GPNMB: variants seen among roughly 807,000 people sequenced by gnomAD.
The protein encoded by GPNMB is glycoprotein nmb.
Under a neutral mutation model 57.3 loss-of-function variants are expected in GPNMB, and 71 were observed. The ratio of observed to expected loss-of-function variants is 1.24; its 90% CI spans 1.02 to 1.51. The LOEUF is 1.51. Among genes scored for constraint, GPNMB ranks in the 40% most tolerant of loss-of-function variants. The pLI is 0.00. For missense variants in GPNMB, 677 were observed against 691.9 expected, an observed-to-expected ratio of 0.98 and a Z score of 0.24; for synonymous variants, 253 against 263.2, an observed-to-expected ratio of 0.96 and a Z score of 0.38.
chr7:23,265,217 G>A (rs941902449), intron 6 of GPNMB, among the ~76,000 whole-genome samples: 1 of 152,174 alleles, frequency 6.6e-6, no homozygotes, highest in Admixed American at 6.5e-5. Flanking sequence ...GAAAATCACA[G>A]GGATGTTCAC....
intron 8 of GPNMB, among the ~76,000 whole-genome samples, 184 bp downstream of exon 8, chr7:23,268,172 T>G (rs1245856950): frequency 1.3e-5 from 2 of 152,208 alleles, no homozygotes; most frequent in African/African-American, 2.4e-5. Context: ...CACACATGTT[T>G]TGCTACAGTT....
Position 23,274,441 on chromosome 7 carries a change from A to G in GPNMB, c.*217A>G, listed in dbSNP as rs1783287965. The G allele has an allele frequency of 2.2e-6, 1 of 445,960 alleles. No homozygotes were observed. Among genetic ancestry groups the G allele is most frequent in the African/African-American group, 2.0e-5 (1 of 49,086 alleles). 27.6% of individuals were successfully genotyped at this position (445,960 alleles called of 1,614,324 possible). A position where few individuals can be genotyped will look rare whatever the true frequency, so the allele number is the denominator to read the frequency against. On this transcript the variant is annotated 3_prime_UTR_variant, in exon 11 of 11. Transcript: ENST00000258733. ...GTTGTGAAACTGATAAAAGCAACTT[A>G]GCAAGGCTTCTTTTCATTATTTTTT...
chr7:23,263,053 A>G (rs1782968456), intron 6 of GPNMB, among the ~76,000 whole-genome samples: 1 of 152,184 alleles, frequency 6.6e-6, no homozygotes, highest in African/African-American at 2.4e-5. Context: ...ATCTACAACT[A>G]TTAATGATCT....
chr7:23,272,846 C>CTTTTTTT (rs34346503), intron 9 of GPNMB, among the ~76,000 whole-genome samples: 2 of 139,636 alleles, frequency 1.4e-5, no homozygotes, highest in African/African-American at 5.5e-5. Flanking sequence ...AGGTGGTGAT[C>CTTTTTTT]TTTTTTTTTT....
chr7:23,270,453 T>G (rs896334389), intron 9 of GPNMB, among the ~76,000 whole-genome samples: 2 of 152,170 alleles, frequency 1.3e-5, no homozygotes, highest in Admixed American at 6.5e-5. Context: ...TGGGATATGA[T>G]CACTGCACGC....
At chr7:23,253,563 T>G (rs1016924423) in intron 2 of GPNMB, 104 bp downstream of exon 2, 1 of 968,094 alleles carries the variant, frequency 1.0e-6, no homozygotes, top group Non-Finnish European at 1.5e-6. Flanking sequence ...TTTCCACGAA[T>G]GACAGTGCTC....
Position 23,260,039 on chromosome 7 carries a change from G to A in GPNMB, c.601G>A (p.Val201Met). 1 of 1,614,004 alleles carries A rather than the reference G, an allele frequency of 6.2e-7. No individual in the cohort carries two copies. The highest frequency in any genetic ancestry group is 1.1e-5 in the South Asian group (1 of 91,086). ...SVRVSVNTAN[V>M]TLGPQLMEVT... ...GAGAGTTTCTGTGAACACAGCCAATGTGACACTTGGGCCTCAACTCATGGA... is the reference window on the plus strand; with the variant it reads ...GAGAGTTTCTGTGAACACAGCCAATATGACACTTGGGCCTCAACTCATGGA... Residue 201 changes from valine to methionine, a missense_variant, in exon 5 of 11, where the codon GTG becomes ATG. Coordinates refer to ENST00000258733, the MANE Select transcript of GPNMB (RefSeq NM_002510.3).
intron 1 of GPNMB, 170 bp downstream of exon 1, chr7:23,247,097 A>C: frequency 1.6e-6 from 1 of 631,552 alleles, no homozygotes. Context: ...AAACTACAGC[A>C]AAATGCCTCC....
intron 9 of GPNMB, among the ~76,000 whole-genome samples, chr7:23,271,759 G>A (rs557638296): frequency 3.8e-4 from 58 of 151,888 alleles, no homozygotes; most frequent in African/African-American, 1.4e-3. Context: ...TGAAGACACT[G>A]CACTCCAGCC....
chr7:23,271,826 A>G (rs1053366345), intron 9 of GPNMB, among the ~76,000 whole-genome samples: 2 of 152,190 alleles, frequency 1.3e-5, no homozygotes, highest in Non-Finnish European at 2.9e-5. Flanking sequence ...AAAAACTAAA[A>G]AAAAAATTTT....
chr7:23,271,430 C>T (rs1000405131), intron 9 of GPNMB, among the ~76,000 whole-genome samples: 1 of 152,284 alleles, frequency 6.6e-6, no homozygotes, highest in Admixed American at 6.5e-5. Context: ...GAACTTGAAG[C>T]CTATCTCATA....
At chr7:23,264,930 G>A (rs1484833457) in intron 6 of GPNMB, among the ~76,000 whole-genome samples, 1 of 152,166 alleles carries the variant, frequency 6.6e-6, no homozygotes, top group Non-Finnish European at 1.5e-5. Context: ...CGAATGGCCT[G>A]CACAAACAAT....
intron 3 of GPNMB, 64 bp from the exon 4 acceptor site, chr7:23,256,828 A>G: frequency 7.8e-7 from 1 of 1,289,600 alleles, no homozygotes; most frequent in South Asian, 1.3e-5. Context: ...TAATTCAGTG[A>G]TGCATGCACA....
chr7:23,271,681 A>G (rs1783209111), intron 9 of GPNMB, among the ~76,000 whole-genome samples: 1 of 152,062 alleles, frequency 6.6e-6, no homozygotes, highest in South Asian at 2.1e-4. Context: ...CTGTAGTCCC[A>G]GCTACTCGGG....
intron 2 of GPNMB, among the ~76,000 whole-genome samples, chr7:23,253,760 C>T (rs1449819732): frequency 6.6e-6 from 1 of 152,178 alleles, no homozygotes; most frequent in African/African-American, 2.4e-5. Context: ...CTTCAGAAAC[C>T]CAGTCACCCC....
At chr7:23,270,983 A>C (rs919971381) in intron 9 of GPNMB, among the ~76,000 whole-genome samples, 4 of 152,222 alleles carry the variant, frequency 2.6e-5, no homozygotes, top group Non-Finnish European at 5.9e-5. Flanking sequence ...AGTTGTGTAC[A>C]TATTACAGCA....
At position 23,267,997 on chromosome 7, in the gene GPNMB, A is replaced by G; in HGVS notation, c.1220+9A>G. ...GTGACCTGCCAAGGGAGGTGAGTAT[A>G]TTATCTCCGACAGAGGCATGGGTGG... On this transcript the variant is annotated intron_variant, in intron 8 of 10. Coordinates refer to ENST00000258733, the MANE Select transcript of GPNMB (RefSeq NM_002510.3). The G allele has an allele frequency of 6.5e-7, 1 of 1,541,712 alleles. No homozygotes were observed. Among genetic ancestry groups the G allele is most frequent in the Non-Finnish European group, 8.9e-7 (1 of 1,129,764 alleles).
At chr7:23,267,054 C>T (rs948858327) in intron 7 of GPNMB, among the ~76,000 whole-genome samples, 3 of 152,158 alleles carry the variant, frequency 2.0e-5, no homozygotes, top group African/African-American at 7.2e-5. Context: ...AGCCCTAAGG[C>T]ATACAACAGA....
Position 23,266,544 on chromosome 7 carries a change from T to G in GPNMB, c.1046T>G (p.Leu349Arg), listed in dbSNP as rs920215087. 3.7e-6 allele frequency: 6 copies of G among 1,613,500 alleles called. No homozygotes were observed. In the African/African-American group the frequency reaches 8.0e-5, roughly 22 times the overall value. ...LGPAGDNPLE[L>R]SRIPDENCQI... The stretch of plus-strand genomic sequence containing the variant: ...CCTGCTGGTGACAACCCCCTGGAGC[T>G]GAGTAGGATTCCTGATGAAAACTGC... The change falls in exon 7 of 11, where the codon CTG (leucine) becomes CGG (arginine). Residue 349 changes from leucine (L) to arginine (R), a missense_variant. Coordinates refer to ENST00000258733, the MANE Select transcript of GPNMB (RefSeq NM_002510.3).
Sources: gnomAD v4.1 joint callset for allele counts (sites outside exome capture counted in the v4.1 genomes callset) on GRCh38, gnomAD v4.1.1 for gene constraint, MANE v1.5 for transcripts, NCBI Gene and HGNC (gene_info 2026-07-23, HGNC 2026-07-21) for gene names.